Variants in C1orf21 observed in about 807,000 individuals in gnomAD.
The protein encoded by C1orf21 is chromosome 1 open reading frame 21.
A neutral mutation model predicts 18.7 loss-of-function variants in C1orf21; 3 were observed. That is an observed-to-expected ratio of 0.16 (90% CI 0.07 to 0.42). C1orf21 has a LOEUF of 0.42. Among genes scored for constraint, C1orf21 ranks in the 10% least tolerant of loss-of-function variants. The pLI is 0.99. For missense variants in C1orf21, 104 were observed against 143.6 expected (o/e 0.72, Z 1.41); for synonymous variants, 41 against 46.4 (o/e 0.88, Z 0.47).
At chr1:184,567,506 G>A in intron 3 of C1orf21, 1 of 535,674 alleles carries the variant, frequency 1.9e-6, no homozygotes, top group Admixed American at 1.9e-5. Flanking sequence ...GCTGAGTGCA[G>A]TGAACTCTAA....
intron 1 of C1orf21, among the ~76,000 whole-genome samples, chr1:184,430,382 A>G (rs1436783645): frequency 6.6e-6 from 1 of 152,182 alleles, no homozygotes; most frequent in African/African-American, 2.4e-5. Flanking sequence ...TTCAAACAGC[A>G]CAGTTTACGA....
At chr1:184,605,309 A>C (rs1466618969) in intron 5 of C1orf21, among the ~76,000 whole-genome samples, 1 of 152,160 alleles carries the variant, frequency 6.6e-6, no homozygotes, top group African/African-American at 2.4e-5. Flanking sequence ...CTGCATTGTT[A>C]TTTACGAACA....
At chr1:184,481,351 A>G (rs1185111903) in intron 2 of C1orf21, among the ~76,000 whole-genome samples, 2 of 152,074 alleles carry the variant, frequency 1.3e-5, no homozygotes, top group African/African-American at 4.8e-5. Flanking sequence ...TGGGGGCATG[A>G]TCTCCTTTCA....
chr1:184,438,635 T>C (rs1231023002), intron 1 of C1orf21, among the ~76,000 whole-genome samples: 3 of 152,144 alleles, frequency 2.0e-5, no homozygotes, highest in Non-Finnish European at 4.4e-5. Flanking sequence ...GGGGATAATA[T>C]GTTGGCACAC....
chr1:184,568,911 G>A lies in C1orf21; in HGVS notation c.190-21828G>A, dbSNP rs944293363. 4.6e-5 allele frequency among the ~76,000 whole-genome samples: 7 copies of A among 152,304 alleles called. No homozygotes were observed. The South Asian group carries it at 1.0e-3, about 23-fold the overall frequency. On this transcript the variant is annotated intron_variant, in intron 3 of 5. Transcript: ENST00000235307. ...AGTAAAGGAGGACAAATGTTCATTC[G>A]TTCTTTCTTTCAACCTTTATTGAGT...
chr1:184,615,717 CAGATGGGGTCCCCTGTGATGCTG>C (rs1303095795), intron 5 of C1orf21, among the ~76,000 whole-genome samples: 1 of 152,208 alleles, frequency 6.6e-6, no homozygotes, highest in Admixed American at 6.5e-5. Flanking sequence ...GGCCAGTGTG[CAGATGGGGTCCCCTGTGATGCTG>C]AGATGGGGCC....
intron 1 of C1orf21, among the ~76,000 whole-genome samples, chr1:184,427,447 A>G (rs766738125): frequency 1.3e-4 from 19 of 151,966 alleles, no homozygotes; most frequent in South Asian, 8.3e-4. Context: ...TTTTCCCCCA[A>G]TGATTTTTGC....
chr1:184,446,851 GT>G lies in C1orf21; in HGVS notation c.-124-30517del, dbSNP rs928078620. ...GTAGTATGGTTATGATTTTTTCGTG[GT>G]TTTTTTTTTTTTTTTTTGGAGACAG... On this transcript the variant is annotated intron_variant, in intron 1 of 5. Coordinates refer to ENST00000235307, the MANE Select transcript of C1orf21 (RefSeq NM_030806.4). Among the ~76,000 whole-genome samples the G allele has an allele frequency of 8.6e-3, 1,115 of 129,108 alleles. 12 individuals are homozygous for G. The highest frequency in any genetic ancestry group is 0.02 in the South Asian group (81 of 3,976). 84.7% of individuals were successfully genotyped at this position (129,108 alleles called of 152,430 possible). A position where few individuals can be genotyped will look rare whatever the true frequency, so the allele number is the denominator to read the frequency against.
At chr1:184,416,321 A>G (rs191206087) in intron 1 of C1orf21, among the ~76,000 whole-genome samples, 2 of 152,338 alleles carry the variant, frequency 1.3e-5, no homozygotes, top group African/African-American at 4.8e-5. Context: ...ATTTTAACCT[A>G]TAAGAATTAC....
At chr1:184,562,130 A>C (rs1392171455) in intron 3 of C1orf21, among the ~76,000 whole-genome samples, 1 of 152,190 alleles carries the variant, frequency 6.6e-6, no homozygotes, top group East Asian at 1.9e-4. Flanking sequence ...TGGTTCTAGA[A>C]AACTAGTACA....
chr1:184,573,615 G>A (rs1659144617), intron 3 of C1orf21, among the ~76,000 whole-genome samples: 1 of 152,160 alleles, frequency 6.6e-6, no homozygotes, highest in African/African-American at 2.4e-5. Context: ...AATTAAATAA[G>A]TGCTGGCAGC....
intron 1 of C1orf21, among the ~76,000 whole-genome samples, chr1:184,389,996 C>G (rs936966913): frequency 6.6e-6 from 1 of 152,128 alleles, no homozygotes; most frequent in South Asian, 2.1e-4. Flanking sequence ...GGTTCTGTAT[C>G]CTTTGAAGTT....
intron 2 of C1orf21, among the ~76,000 whole-genome samples, chr1:184,479,889 C>T (rs370481270): frequency 1.3e-5 from 2 of 152,182 alleles, no homozygotes; most frequent in South Asian, 2.1e-4. Context: ...TCCCAAAGGG[C>T]GGGGATTACA....
chr1:184,552,216 A>C (rs1658823048), intron 3 of C1orf21, among the ~76,000 whole-genome samples: 1 of 152,230 alleles, frequency 6.6e-6, no homozygotes, highest in Non-Finnish European at 1.5e-5. Flanking sequence ...GATATCCCTA[A>C]CACAGATTTT....
At chr1:184,476,277 C>CG (rs1312776040) in intron 1 of C1orf21, among the ~76,000 whole-genome samples, 4 of 151,778 alleles carry the variant, frequency 2.6e-5, no homozygotes, top group Admixed American at 6.6e-5. Context: ...TGTTCATGGG[C>CG]GGGGGGCAGT....
rs139849330 is a variant in C1orf21, at chr1:184,486,007, G to C, written c.94+8404G>C. On this transcript the variant is annotated intron_variant, in intron 2 of 5. Transcript: ENST00000235307. ...AAGATAAGTGAGGAACATGGTCTTGGGTTTAGGCTTTGAAGACTCCCTGAT... is the reference window on the plus strand; with the variant it reads ...AAGATAAGTGAGGAACATGGTCTTGCGTTTAGGCTTTGAAGACTCCCTGAT... Among the ~76,000 whole-genome samples, 587 of 152,230 alleles carry C rather than the reference G, an allele frequency of 3.9e-3. 3 individuals carry two copies. The highest frequency in any genetic ancestry group is 0.012 in the African/African-American group (515 of 41,544).
intron 1 of C1orf21, among the ~76,000 whole-genome samples, chr1:184,411,577 A>G (rs1448965597): frequency 6.6e-6 from 1 of 151,368 alleles, no homozygotes; most frequent in Non-Finnish European, 1.5e-5. Flanking sequence ...GCCCGCCATC[A>G]CGCCTGGCTA....
chr1:184,505,087 C>T (rs1658033345), intron 2 of C1orf21, among the ~76,000 whole-genome samples: 1 of 151,862 alleles, frequency 6.6e-6, no homozygotes, highest in African/African-American at 2.4e-5. Context: ...CTGAATGTCA[C>T]TGGGCTGTTC....
At chr1:184,566,712 A>T in intron 3 of C1orf21, 1 of 381,138 alleles carries the variant, frequency 2.6e-6, no homozygotes, top group Non-Finnish European at 5.3e-6. Flanking sequence ...AAAAAGTCAG[A>T]AGAAACCAAG....
Sources: allele counts gnomAD v4.1 joint callset (sites outside exome capture counted in the v4.1 genomes callset), GRCh38; gene constraint gnomAD v4.1.1; transcripts MANE v1.5; gene names NCBI Gene and HGNC (gene_info 2026-07-23, HGNC 2026-07-21).